The following ZNF839 variants were observed in gnomAD, a reference collection of about 807,000 sequenced individuals.
The protein encoded by ZNF839 is renal carcinoma antigen NY-REN-50.
In ZNF839, 38 loss-of-function variants were observed where a neutral mutation model predicts 56.4. The ratio of observed to expected loss-of-function variants is 0.67; its 90% CI spans 0.52 to 0.88. ZNF839 has a LOEUF of 0.88. ZNF839 is among the 40% of genes least tolerant of loss of function. ZNF839 has a pLI of 0.00. For synonymous variants in ZNF839, 486 were observed against 493.5 expected, an observed-to-expected ratio of 0.98 and a Z score of 0.20; for missense variants, 1,091 against 1,177.6, an observed-to-expected ratio of 0.93 and a Z score of 1.08.
At chr14:102,329,529 C>T (rs2073661164) in intron 2 of ZNF839, among the ~76,000 whole-genome samples, 1 of 151,668 alleles carries the variant, frequency 6.6e-6, no homozygotes, top group Non-Finnish European at 1.5e-5. Flanking sequence ...GAATTACAGG[C>T]GTGTGCTACC....
intron 1 of ZNF839, among the ~76,000 whole-genome samples, chr14:102,323,475 C>T (rs1005218391): frequency 2.6e-5 from 4 of 152,194 alleles, no homozygotes; most frequent in African/African-American, 9.6e-5. Flanking sequence ...TCCCTGACAC[C>T]TGTAACAGTG....
intron 1 of ZNF839, among the ~76,000 whole-genome samples, chr14:102,322,049 C>T (rs1447204157): frequency 6.6e-6 from 1 of 152,168 alleles, no homozygotes; most frequent in Non-Finnish European, 1.5e-5. Flanking sequence ...TTCATGCATC[C>T]GTGCATTTAC....
chr14:102,326,098 C>G lies in ZNF839; in HGVS notation c.402C>G (p.Pro134=). 20 of 1,613,966 alleles carry G rather than the reference C, an allele frequency of 1.2e-5. No homozygotes were observed. Among genetic ancestry groups the G allele is most frequent in the Non-Finnish European group, 1.7e-5 (20 of 1,179,874 alleles). ...AAACTGCAAGAAAGAGCCAGCTGCC[C>G]CGGGGGAATTCCTGCCTGGTGGGGC... is the stretch of plus-strand genomic sequence containing the variant. The part of the protein sequence containing the change: ...QPQTARKSQL[P]RGNSCLVGLH... The change falls in exon 2 of 8, where the codon CCC becomes CCG. Residue 134 remains proline (P), a synonymous_variant. Transcript: ENST00000442396. This position sits in a 1 kb window ranked among gnomAD's most constrained non-coding sequence, Gnocchi z 4.3.
Position 102,338,961 on chromosome 14 carries a change from T to G in ZNF839, c.1797+8T>G, listed in dbSNP as rs767900719. 2.5e-6 allele frequency: 4 copies of G among 1,613,970 alleles called. No homozygotes were observed. Among genetic ancestry groups the G allele is most frequent in the Non-Finnish European group, 3.4e-6 (4 of 1,179,884 alleles). ...GAGAAGAGGGAACGTGAGGTGGGCA[T>G]GGCTGAAGTGGGTGCCAGGTGACTG... On this transcript the variant is annotated splice_region_variant and intron_variant, in intron 6 of 7. Transcript: ENST00000442396.
intron 4 of ZNF839, chr14:102,335,428 C>T: frequency 2.6e-6 from 1 of 379,128 alleles, no homozygotes; most frequent in South Asian, 3.3e-5. Flanking sequence ...CCCTTCCCAC[C>T]CTGTCCAGGA....
At chr14:102,340,074 G>A (rs957451512) in intron 7 of ZNF839, among the ~76,000 whole-genome samples, 1 of 151,650 alleles carries the variant, frequency 6.6e-6, no homozygotes, top group Non-Finnish European at 1.5e-5. Context: ...CTGGGTTCAA[G>A]CAATTCTACT....
In ZNF839 at chr14:102,320,047, GC is replaced by G. The variant is rs1441642356; in HGVS notation, c.286del (p.Gln96SerfsTer3). 8.5e-7 allele frequency: 1 copy of G among 1,173,166 alleles called. No homozygotes were observed. The highest frequency in any genetic ancestry group is 1.1e-6 in the Non-Finnish European group (1 of 950,720). 72.7% of individuals were successfully genotyped at this position (1,173,166 alleles called of 1,614,324 possible). On this transcript the variant is annotated frameshift_variant, in exon 1 of 8. Coordinates refer to ENST00000442396, the MANE Select transcript of ZNF839 (RefSeq NM_018335.6). LOFTEE classifies it high-confidence loss of function. Reference sequence around the variant, plus strand: ...CCCCGCGCCTGCCGCGCCTGCTCCCGCCCCAGGTGAGGCGTCGGGAGGGACG... The same window carrying G: ...CCCCGCGCCTGCCGCGCCTGCTCCCGCCCAGGTGAGGCGTCGGGAGGGACG... ...EPPRLPRLLP[P>X]QQLEAICVKV...
chr14:102,339,067 C>G, intron 6 of ZNF839, 27 bp from the exon 7 acceptor site: 2 of 1,613,710 alleles, frequency 1.2e-6, no homozygotes, highest in Non-Finnish European at 1.7e-6. Flanking sequence ...CCTTCCTATT[C>G]TAGCTGATTG....
intron 1 of ZNF839, among the ~76,000 whole-genome samples, chr14:102,323,042 C>T (rs2073216219): frequency 6.6e-6 from 1 of 152,210 alleles, no homozygotes; most frequent in African/African-American, 2.4e-5. Flanking sequence ...AGACACACTC[C>T]AGCTTGATCT....
In ZNF839 at chr14:102,342,133, T is replaced by C; in HGVS notation, c.2738T>C (p.Val913Ala). The change falls in exon 8 of 8, where the codon GTC (valine) becomes GCC (alanine). Residue 913 changes from valine (V) to alanine (A), a missense_variant. This residue lies in a region of ZNF839 where 431 missense variants were observed against 468.0 expected (regional missense o/e 0.92). Coordinates refer to ENST00000442396, the MANE Select transcript of ZNF839 (RefSeq NM_018335.6). The part of the protein sequence containing the change: ...GTIVSQEEDI[V>A]TVTDAEGRAC... ...ATAGTGTCTCAGGAGGAGGACATTGTCACAGTGACTGATGCAGAGGGGCGT... is the reference window on the plus strand; with the variant it reads ...ATAGTGTCTCAGGAGGAGGACATTGCCACAGTGACTGATGCAGAGGGGCGT... 6.2e-7 allele frequency: 1 copy of C among 1,613,726 alleles called. No individual in the cohort carries two copies. The highest frequency in any genetic ancestry group is 2.2e-5 in the East Asian group (1 of 44,880).
Position 102,339,069 on chromosome 14 carries a change from A to G in ZNF839, c.1798-25A>G, listed in dbSNP as rs369309814. 3 of 1,613,642 alleles carry G rather than the reference A, an allele frequency of 1.9e-6. No individual in the cohort carries two copies. In the African/African-American group the frequency reaches 4.0e-5, roughly 22 times the overall value. On this transcript the variant is annotated intron_variant, in intron 6 of 7. Coordinates refer to ENST00000442396, the MANE Select transcript of ZNF839 (RefSeq NM_018335.6). ...CGGTTTGCCTATTCCTTCCTATTCT[A>G]GCTGATTGGGTCTTCTCTTCACAGG...
Position 102,319,993 on chromosome 14 carries a change from C to T in ZNF839, c.228C>T (p.Ala76=), listed in dbSNP as rs2073034630. Residue 76 remains alanine, a synonymous_variant, in exon 1 of 8, where the codon GCC becomes GCT. Transcript: ENST00000442396. This position sits in a 1 kb window ranked among gnomAD's most constrained non-coding sequence, Gnocchi z 4.5. ...GGCTGCGGGACGCGGCCCAACAGGC[C>T]GCCCTGCAGCGGGGCCGGGGCACCG... ...ARRLRDAAQQ[A]ALQRGRGTEP... is the part of the protein sequence containing the mutation. The T allele has an allele frequency of 3.4e-6, 4 of 1,171,104 alleles. No homozygotes were observed. Among genetic ancestry groups the T allele is most frequent in the Non-Finnish European group, 4.2e-6 (4 of 950,432 alleles). 72.5% of individuals were successfully genotyped at this position (1,171,104 alleles called of 1,614,324 possible). A position where few individuals can be genotyped will look rare whatever the true frequency, so the allele number is the denominator to read the frequency against.
chr14:102,320,680 G>A (rs529200664), intron 1 of ZNF839, among the ~76,000 whole-genome samples: 1 of 152,330 alleles, frequency 6.6e-6, no homozygotes, highest in South Asian at 2.1e-4. Flanking sequence ...TGTAACCGCA[G>A]TACCCAGCAC....
At chr14:102,324,575 C>G (rs559882716) in intron 1 of ZNF839, among the ~76,000 whole-genome samples, 11 of 152,228 alleles carry the variant, frequency 7.2e-5, no homozygotes, top group African/African-American at 2.4e-4. Flanking sequence ...GTGGCACACA[C>G]CTGTGATCCC....
rs368386323 is a variant in ZNF839 at position 102,326,535 on chromosome 14, C to T, written c.839C>T (p.Ser280Phe). 2 of 1,613,880 alleles carry T rather than the reference C, an allele frequency of 1.2e-6. No individual in the cohort carries two copies. The highest frequency in any genetic ancestry group is 1.7e-6 in the Non-Finnish European group (2 of 1,179,902). ...EDLADGHLSD[S>F]DDYSELCVEE... The stretch of plus-strand genomic sequence containing the variant: ...CTGGCGGATGGTCATCTGTCAGATT[C>T]TGATGATTACTCAGAACTCTGTGTG... Residue 280 changes from serine to phenylalanine, a missense_variant, in exon 2 of 8, where the codon TCT (serine) becomes TTT (phenylalanine). Ser to Phe is a radical substitution (Grantham distance 155). Transcript: ENST00000442396. This position sits in a 1 kb window ranked among gnomAD's most constrained non-coding sequence, Gnocchi z 4.3.
upstream of ZNF839, among the ~76,000 whole-genome samples, chr14:102,318,548 G>C (rs1428218923): frequency 6.6e-6 from 1 of 151,872 alleles, no homozygotes; most frequent in Non-Finnish European, 1.5e-5. Context: ...CAGGAGAACC[G>C]CATGAACCCA....
At position 102,340,228 on chromosome 14, in the gene ZNF839, G is replaced by A. The variant is rs192387518; in HGVS notation, c.1927+1005G>A. On this transcript the variant is annotated intron_variant, in intron 7 of 7. Coordinates refer to ENST00000442396, the MANE Select transcript of ZNF839 (RefSeq NM_018335.6). ...TGACTGCAGGTGATCTGCCCACCTC[G>A]GCCTCCCAAAGTGCTGGGATTACAG... Among the ~76,000 whole-genome samples the A allele has an allele frequency of 3.0e-3, 456 of 149,586 alleles. 4 individuals are homozygous for A. Among genetic ancestry groups the A allele is most frequent in the African/African-American group, 0.011 (441 of 40,688 alleles).
intron 2 of ZNF839, among the ~76,000 whole-genome samples, chr14:102,330,975 G>C (rs1044396077): frequency 6.6e-6 from 1 of 152,134 alleles, no homozygotes; most frequent in African/African-American, 2.4e-5. Context: ...TGGTTACCAG[G>C]ACCTGTCGGG....
chr14:102,341,329 C>A lies in ZNF839; in HGVS notation c.1934C>A (p.Ser645Tyr). 6.6e-7 allele frequency: 1 copy of A among 1,517,988 alleles called. No individual in the cohort carries two copies. The highest frequency in any genetic ancestry group is 2.3e-5 in the East Asian group (1 of 43,980). 94.0% of individuals were successfully genotyped at this position (1,517,988 alleles called of 1,614,324 possible). A position where few individuals can be genotyped will look rare whatever the true frequency, so the allele number is the denominator to read the frequency against. Residue 645 changes from serine (S) to tyrosine (Y), a missense_variant, in exon 8 of 8, where the codon TCC becomes TAC. By Grantham distance (144) the Ser-to-Tyr change is moderately radical. Around this residue, in one of 3 missense-constraint regions of ZNF839, gnomAD observed 431 missense variants for 468.0 expected, o/e 0.92. Transcript: ENST00000442396. ...RPLHALAAGF[S>Y]PPVNVTVSPR... is the part of the protein sequence containing the mutation. ...TGTTTCCCAAAATGTTTAGGTTTTT[C>A]CCCTCCAGTAAATGTGACTGTCTCT...
Sources: allele counts gnomAD v4.1 joint callset (sites outside exome capture counted in the v4.1 genomes callset), GRCh38; gene constraint gnomAD v4.1.1; regional missense constraint gnomAD v4.1.1; non-coding constraint Gnocchi (gnomAD v3.1); transcripts MANE v1.5; gene names NCBI Gene and HGNC (gene_info 2026-07-23, HGNC 2026-07-21).